Variants in ICA1L observed in about 807,000 individuals in gnomAD.
ICA1L encodes the protein islet cell autoantigen 1 like, also known as islet cell autoantigen 1-like protein.
Under a neutral mutation model 61.3 loss-of-function variants are expected in ICA1L, and 50 were observed. The ratio of observed to expected loss-of-function variants is 0.82; its 90% confidence interval spans 0.65 to 1.03. The LOEUF (loss-of-function observed/expected upper bound fraction) is 1.03, where lower values mean the gene tolerates loss of function less well. ICA1L is among the 50% of genes least tolerant of loss of function. ICA1L has a pLI of 0.00. For missense variants in ICA1L, 508 were observed against 556.7 expected (o/e 0.91, Z 0.88); for synonymous variants, 161 against 191.3 (o/e 0.84, Z 1.31).
At chr2:202,781,238 G>C (rs894568886) in intron 12 of ICA1L, among the ~76,000 whole-genome samples, 1 of 152,060 alleles carries the variant, frequency 6.6e-6, no homozygotes, top group Admixed American at 6.5e-5. Flanking sequence ...TAAACATAAT[G>C]TTCATAAAGT....
intron 1 of ICA1L, 55 bp downstream of exon 1, chr2:202,871,564 G>T (rs778984899): frequency 6.6e-6 from 1 of 152,080 alleles, no homozygotes; most frequent in African/African-American, 2.4e-5. Context: ...TGGTCTCCGG[G>T]CCTGACCGCC....
intron 12 of ICA1L, among the ~76,000 whole-genome samples, chr2:202,784,654 A>G (rs1476558386): frequency 6.6e-6 from 1 of 152,210 alleles, no homozygotes; most frequent in Non-Finnish European, 1.5e-5. Context: ...TAAAGGAAGG[A>G]AATCCAGTCA....
intron 1 of ICA1L, chr2:202,844,468 A>G (rs1301617395): frequency 1.3e-5 from 2 of 152,236 alleles, no homozygotes; most frequent in African/African-American, 4.8e-5. Context: ...AATTTTTGCT[A>G]CTGACAATGG....
At chr2:202,841,419 G>A in intron 1 of ICA1L, 1 of 1,185,118 alleles carries the variant, frequency 8.4e-7, no homozygotes, top group Non-Finnish European at 1.2e-6. Context: ...GGCTCCACTT[G>A]GTCTCCAGCA....
intron 12 of ICA1L, among the ~76,000 whole-genome samples, chr2:202,781,753 G>A (rs1248597651): frequency 1.3e-5 from 2 of 152,108 alleles, no homozygotes; most frequent in Admixed American, 6.5e-5. Context: ...TCAATGGATA[G>A]ATGCGTTTCT....
intron 1 of ICA1L, among the ~76,000 whole-genome samples, chr2:202,845,386 G>A (rs984133688): frequency 4.6e-5 from 7 of 151,998 alleles, no homozygotes; most frequent in African/African-American, 1.7e-4. Flanking sequence ...CAGCATTTTG[G>A]GAGGCCAAGG....
chr2:202,799,008 TTATC>T (rs147374906), intron 9 of ICA1L, among the ~76,000 whole-genome samples: 12,531 of 152,262 alleles, frequency 0.082, 714 homozygotes, highest in Non-Finnish European at 0.11. Context: ...TACTTTTTCT[TTATC>T]CATTCATCCA....
At chr2:202,842,221 A>AT (rs1287060955) in intron 1 of ICA1L, among the ~76,000 whole-genome samples, 1 of 152,078 alleles carries the variant, frequency 6.6e-6, no homozygotes, top group Non-Finnish European at 1.5e-5. Context: ...CCATTATACT[A>AT]TTATTCTAAA....
At chr2:202,789,926 G>A (rs886311802) in intron 10 of ICA1L, among the ~76,000 whole-genome samples, 1 of 152,162 alleles carries the variant, frequency 6.6e-6, no homozygotes, top group East Asian at 1.9e-4. Flanking sequence ...TCAGGAGAGA[G>A]ACATCATAGC....
chr2:202,815,810 A>G lies in ICA1L; in HGVS notation c.783+101T>C, dbSNP rs868756680. 6.0e-6 allele frequency: 4 copies of G among 661,566 alleles called. No homozygotes were observed. The Middle Eastern group carries it at 1.1e-3, about 180-fold the overall frequency. The allele number at this position is 661,566 out of a possible 1,614,324, so 41.0% of individuals were successfully genotyped here. The stretch of plus-strand genomic sequence containing the variant: ...AGGAAAATGTTTCTCAATGTTTTGT[A>G]AATTTTAAATTAACCTTGGTTAAAA... On this transcript the variant is annotated intron_variant, in intron 7 of 12. Transcript: ENST00000358299.
At chr2:202,799,605 G>C (rs998816013) in intron 9 of ICA1L, among the ~76,000 whole-genome samples, 1 of 152,146 alleles carries the variant, frequency 6.6e-6, no homozygotes. Context: ...CTGTGCAGAA[G>C]CTTTTTAGTT....
chr2:202,838,218 ATGTT>A (rs1357514437), intron 1 of ICA1L, among the ~76,000 whole-genome samples: 1 of 152,116 alleles, frequency 6.6e-6, no homozygotes, highest in Non-Finnish European at 1.5e-5. Flanking sequence ...TAGGATCATG[ATGTT>A]TAATTTCCAC....
chr2:202,795,745 A>G (rs1383690339), intron 10 of ICA1L, among the ~76,000 whole-genome samples: 1 of 152,138 alleles, frequency 6.6e-6, no homozygotes, highest in Non-Finnish European at 1.5e-5. Flanking sequence ...ATGGCATTTT[A>G]AAAAATTATA....
intron 1 of ICA1L, among the ~76,000 whole-genome samples, chr2:202,842,289 G>T (rs989958398): frequency 3.9e-5 from 6 of 152,168 alleles, no homozygotes; most frequent in African/African-American, 1.4e-4. Context: ...TTACTCATTA[G>T]CATCCTTTCC....
At chr2:202,807,620 G>A (rs1693261251) in intron 9 of ICA1L, among the ~76,000 whole-genome samples, 1 of 152,144 alleles carries the variant, frequency 6.6e-6, no homozygotes. Context: ...ATGTGACCTA[G>A]TGAGATACCA....
intron 1 of ICA1L, among the ~76,000 whole-genome samples, chr2:202,843,536 C>T (rs1451753808): frequency 6.6e-6 from 1 of 152,164 alleles, no homozygotes; most frequent in Non-Finnish European, 1.5e-5. Context: ...GGCACTGGTG[C>T]CTGATGAGTA....
chr2:202,861,862 C>A (rs1238058229), intron 1 of ICA1L, among the ~76,000 whole-genome samples: 7 of 89,132 alleles, frequency 7.9e-5, no homozygotes, highest in Non-Finnish European at 1.0e-4. Context: ...CCAGCCTGGG[C>A]AACAAAGTGA....
intron 1 of ICA1L, among the ~76,000 whole-genome samples, chr2:202,854,306 T>C (rs964758418): frequency 2.0e-5 from 3 of 151,728 alleles, no homozygotes; most frequent in Non-Finnish European, 4.4e-5. Context: ...GGGCATTACG[T>C]AATGGTAAAG....
Position 202,819,765 on chromosome 2 carries a change from C to T in ICA1L, c.494G>A (p.Trp165Ter). The change falls in exon 5 of 13, where the codon TGG (tryptophan) becomes TAG (stop). Residue 165 changes from tryptophan (W) to a stop codon, truncating the protein, a stop_gained. Transcript: ENST00000358299. LOFTEE classifies it high-confidence loss of function. ...ARTEYRGALLWMKDVSQELDP... is the reference protein window; with the variant it reads ...ARTEYRGALL ...CAGCTCTTGGGATACATCTTTCATCCACAGTAGAGCTCCTCTGTATTCTGT... is the reference window on the plus strand; with the variant it reads ...CAGCTCTTGGGATACATCTTTCATCTACAGTAGAGCTCCTCTGTATTCTGT... The T allele has an allele frequency of 1.2e-6, 2 of 1,614,068 alleles. No homozygotes were observed. The highest frequency in any genetic ancestry group is 1.7e-6 in the Non-Finnish European group (2 of 1,179,980).
Sources: gnomAD v4.1 joint callset for allele counts (sites outside exome capture counted in the v4.1 genomes callset) on GRCh38, gnomAD v4.1.1 for gene constraint, MANE v1.5 for transcripts, NCBI Gene and HGNC (gene_info 2026-07-23, HGNC 2026-07-21) for gene names.